The following OCA2 variants were observed in gnomAD, a reference collection of about 807,000 sequenced individuals.
OCA2 encodes P protein.
Under a neutral mutation model 100.2 loss-of-function variants are expected in OCA2, and 77 were observed. The observed-to-expected ratio is 0.77, with a 90% CI of 0.64 to 0.93. The LOEUF (loss-of-function observed/expected upper bound fraction) is 0.93, where lower values mean the gene tolerates loss of function less well. Ranked by LOEUF, OCA2 falls within the 40% of genes least tolerant of loss-of-function variation. The pLI is 0.00. For synonymous variants in OCA2, 432 were observed against 439.2 expected, an observed-to-expected ratio of 0.98 and a Z score of 0.21; for missense variants, 1,062 against 1,089.1, an observed-to-expected ratio of 0.98 and a Z score of 0.35.
intron 2 of OCA2, among the ~76,000 whole-genome samples, chr15:28,077,018 GGA>G (rs1001624463): frequency 6.6e-6 from 1 of 151,748 alleles, no homozygotes; most frequent in Non-Finnish European, 1.5e-5. Context: ...AAGAGAGAGT[GGA>G]GAGAGTGGGG....
the OCA2 span, among the ~76,000 whole-genome samples, chr15:27,742,700 T>C: frequency 6.6e-6 from 1 of 152,204 alleles, no homozygotes; most frequent in Non-Finnish European, 1.5e-5. Flanking sequence ...AATCTGGCTT[T>C]GTCACTAAAA....
At chr15:27,904,631 T>C (rs2038098284) in intron 19 of OCA2, among the ~76,000 whole-genome samples, 1 of 152,136 alleles carries the variant, frequency 6.6e-6, no homozygotes, top group South Asian at 2.1e-4. Flanking sequence ...ATAAAGTTCC[T>C]TCTACTGCCA....
chr15:28,018,687 C>T (rs1310155594), intron 6 of OCA2, 130 bp from the exon 7 acceptor site: 1 of 813,042 alleles, frequency 1.2e-6, no homozygotes, highest in Non-Finnish European at 2.0e-6. Context: ...ACGCCCTTGG[C>T]CATTAACACG....
At chr15:28,011,777 G>T (rs1366395411) in intron 9 of OCA2, among the ~76,000 whole-genome samples, 1 of 151,918 alleles carries the variant, frequency 6.6e-6, no homozygotes, top group Non-Finnish European at 1.5e-5. Flanking sequence ...AATTAGTCAG[G>T]TGTGGTGGCA....
At chr15:28,050,983 G>A (rs1259684246) in intron 2 of OCA2, among the ~76,000 whole-genome samples, 5 of 152,072 alleles carry the variant, frequency 3.3e-5, no homozygotes, top group Admixed American at 2.6e-4. Context: ...ACAGCCACTC[G>A]GAGCTGGGCT....
intron 9 of OCA2, among the ~76,000 whole-genome samples, chr15:27,990,909 A>C (rs1368652478): frequency 6.6e-6 from 1 of 152,238 alleles, no homozygotes; most frequent in African/African-American, 2.4e-5. Context: ...CAGATGGAGT[A>C]TGTTCTATGA....
chr15:27,766,532 T>C (rs2031275198), intron 23 of OCA2, among the ~76,000 whole-genome samples: 1 of 152,182 alleles, frequency 6.6e-6, no homozygotes, highest in African/African-American at 2.4e-5. Context: ...CTAGGCAGTG[T>C]TGGCCTTGGC....
intron 18 of OCA2, among the ~76,000 whole-genome samples, chr15:27,944,706 C>T (rs1455037192): frequency 2.6e-5 from 4 of 152,142 alleles, no homozygotes; most frequent in Non-Finnish European, 5.9e-5. Context: ...AACCAATTGG[C>T]AGCAAGCACC....
chr15:27,973,872 G>T (rs2040882176), intron 14 of OCA2, among the ~76,000 whole-genome samples: 1 of 152,134 alleles, frequency 6.6e-6, no homozygotes, highest in Non-Finnish European at 1.5e-5. Flanking sequence ...GCAGTGTTTT[G>T]TAGCTCTCCT....
chr15:27,819,404 C>G (rs533353154), intron 23 of OCA2, among the ~76,000 whole-genome samples: 1 of 152,204 alleles, frequency 6.6e-6, no homozygotes, highest in Non-Finnish European at 1.5e-5. Flanking sequence ...TTACAGTAGT[C>G]AAGGTCCCCC....
chr15:27,947,019 C>T (rs896688414), intron 18 of OCA2, among the ~76,000 whole-genome samples: 3 of 152,244 alleles, frequency 2.0e-5, no homozygotes, highest in African/African-American at 7.2e-5. Flanking sequence ...GTTTCCCACT[C>T]AGTCTATCAG....
At chr15:27,886,044 G>C (rs554821803) in intron 19 of OCA2, among the ~76,000 whole-genome samples, 1 of 152,180 alleles carries the variant, frequency 6.6e-6, no homozygotes, top group East Asian at 1.9e-4. Context: ...GATATTTGAG[G>C]AGACTCTAGA....
rs371963034 is a variant in OCA2 at position 27,989,600 on chromosome 15, C to T, written c.1182+1G>A. On this transcript the variant is annotated splice_donor_variant, in intron 11 of 23. Coordinates refer to ENST00000354638, the MANE Select transcript of OCA2 (RefSeq NM_000275.3). LOFTEE classifies it high-confidence loss of function. Reference sequence around the variant, plus strand: ...AGTCCCACGGGGAGAGCTGTAATTACCATGCCAAACAGCAGGGCCAGCGTC... The same window carrying T: ...AGTCCCACGGGGAGAGCTGTAATTATCATGCCAAACAGCAGGGCCAGCGTC... 44 of 1,613,806 alleles carry T rather than the reference C, an allele frequency of 2.7e-5. No homozygotes were observed. In the African/African-American group the frequency reaches 5.2e-4, roughly 19 times the overall value.
At chr15:28,017,182 A>G (rs1286551827) in intron 7 of OCA2, among the ~76,000 whole-genome samples, 1 of 152,242 alleles carries the variant, frequency 6.6e-6, no homozygotes, top group Non-Finnish European at 1.5e-5. Context: ...ATGAGAGAAC[A>G]GAAGTTCTTT....
At chr15:27,906,008 T>C (rs538154021) in intron 19 of OCA2, among the ~76,000 whole-genome samples, 10 of 152,274 alleles carry the variant, frequency 6.6e-5, no homozygotes, top group African/African-American at 1.9e-4. Flanking sequence ...AAAAAGTTGA[T>C]TGAACTCAAG....
At chr15:27,913,872 AAAGAAAGAAAGAAAGAAAGAAAGCAAGC>A (rs2038521072) in intron 19 of OCA2, among the ~76,000 whole-genome samples, 1 of 57,716 alleles carries the variant, frequency 1.7e-5, no homozygotes, top group Non-Finnish European at 3.0e-5. Context: ...AGAAAGAAAG[AAAGAAAGAAAGAAAGAAAGAAAGCAAGC>A]AAGCAAGCAA....
chr15:28,004,736 C>T (rs550929783), intron 9 of OCA2, among the ~76,000 whole-genome samples: 12 of 152,232 alleles, frequency 7.9e-5, no homozygotes, highest in African/African-American at 2.9e-4. Flanking sequence ...CACACTCTCA[C>T]ATGCAATCAC....
Position 27,951,779 on chromosome 15 carries a change from C to T in OCA2, c.1951+5G>A. Reference sequence around the variant, plus strand: ...GCCTATGAACCAAAGCTAAATTAGACTCACCAAGATCAAGATGAATGCCAG... The same window carrying T: ...GCCTATGAACCAAAGCTAAATTAGATTCACCAAGATCAAGATGAATGCCAG... On this transcript the variant is annotated splice_donor_5th_base_variant and intron_variant, in intron 18 of 23. Coordinates refer to ENST00000354638, the MANE Select transcript of OCA2 (RefSeq NM_000275.3). 1 of 1,583,112 alleles carries T rather than the reference C, an allele frequency of 6.3e-7. No homozygotes were observed. Among genetic ancestry groups the T allele is most frequent in the South Asian group, 1.1e-5 (1 of 90,402 alleles).
chr15:27,780,356 T>G (rs1225937899), intron 23 of OCA2, among the ~76,000 whole-genome samples: 1 of 152,186 alleles, frequency 6.6e-6, no homozygotes, highest in Non-Finnish European at 1.5e-5. Context: ...GGCATTCCCC[T>G]TTGGAATATG....
Sources: gnomAD v4.1 joint callset for allele counts (sites outside exome capture counted in the v4.1 genomes callset) on GRCh38, gnomAD v4.1.1 for gene constraint, MANE v1.5 for transcripts, NCBI Gene and HGNC (gene_info 2026-07-23, HGNC 2026-07-21) for gene names.